RPAP2: variants seen among roughly 807,000 people sequenced by gnomAD.
RPAP2 encodes putative RNA polymerase II subunit B1 CTD phosphatase RPAP2.
In RPAP2, 52 loss-of-function variants were observed where a neutral mutation model predicts 73.1. That is an observed-to-expected ratio of 0.71 (90% CI 0.57 to 0.90). The LOEUF (loss-of-function observed/expected upper bound fraction) is 0.90, where lower values mean the gene tolerates loss of function less well. RPAP2 is among the 40% of genes least tolerant of loss of function. The probability of loss-of-function intolerance (pLI) is 0.00; values close to 1 mark genes in which losing one functional copy is unlikely to be tolerated. For synonymous variants in RPAP2, 225 were observed against 242.1 expected (o/e 0.93, Z 0.65); for missense variants, 598 against 701.8 (o/e 0.85, Z 1.67).
At chr1:92,324,991 GCTTCT>G (rs1652542991) in intron 8 of RPAP2, among the ~76,000 whole-genome samples, 1 of 152,102 alleles carries the variant, frequency 6.6e-6, no homozygotes, top group African/African-American at 2.4e-5. Flanking sequence ...ACTATTAATA[GCTTCT>G]CTTGCTCAAT....
intron 8 of RPAP2, among the ~76,000 whole-genome samples, chr1:92,331,133 TATTGGGTATAAATGTAAA>T (rs1652938195): frequency 6.6e-6 from 1 of 152,236 alleles, no homozygotes; most frequent in Non-Finnish European, 1.5e-5. Flanking sequence ...GAGACCATGT[TATTGGGTATAAATGTAAA>T]ATTGTTATGT....
chr1:92,303,162 C>T (rs1440038715), intron 3 of RPAP2, among the ~76,000 whole-genome samples: 1 of 152,182 alleles, frequency 6.6e-6, no homozygotes, highest in Non-Finnish European at 1.5e-5. Context: ...ATTACAAAAA[C>T]ACTTCTTAGT....
rs1473923737 is a variant in RPAP2, at chr1:92,393,651, C to T, written c.*6640C>T. ...ACAAGAAAAAAGCAAACAACCCCAT[C>T]AAAAAATGGGCAAAGGATATGAACA... On this transcript the variant is annotated 3_prime_UTR_variant, in exon 13 of 13. Coordinates refer to ENST00000610020, the MANE Select transcript of RPAP2 (RefSeq NM_024813.3). 1 of 152,052 alleles carries T rather than the reference C, an allele frequency of 6.6e-6. No homozygotes were observed. Among genetic ancestry groups the T allele is most frequent in the Non-Finnish European group, 1.5e-5 (1 of 68,014 alleles). The allele number at this position is 152,052 out of a possible 1,614,324, so 9.4% of individuals were successfully genotyped here. A position where few individuals can be genotyped will look rare whatever the true frequency, so the allele number is the denominator to read the frequency against.
chr1:92,331,899 T>C (rs1316133867), intron 8 of RPAP2, among the ~76,000 whole-genome samples: 1 of 152,198 alleles, frequency 6.6e-6, no homozygotes, highest in East Asian at 1.9e-4. Flanking sequence ...TTTTTCTATA[T>C]TGAATTTTAG....
At chr1:92,347,837 C>A (rs1350618742) in intron 11 of RPAP2, among the ~76,000 whole-genome samples, 1 of 152,032 alleles carries the variant, frequency 6.6e-6, no homozygotes, top group East Asian at 1.9e-4. Context: ...AAAAATTGTG[C>A]CTTAATTGAA....
Position 92,324,288 on chromosome 1 carries a change from T to A in RPAP2, c.1368T>A (p.Thr456=). ...LPSYENLKKE[T]EKLNLRIREF... is the part of the protein sequence containing the mutation. ...GTTACGAGAATTTGAAAAAAGAAAC[T>A]GAAAAGTTAAATCTGAGGATCAGGG... is the stretch of plus-strand genomic sequence containing the variant. The change falls in exon 8 of 13, where the codon ACT becomes ACA. Residue 456 remains threonine, a synonymous_variant. Coordinates refer to ENST00000610020, the MANE Select transcript of RPAP2 (RefSeq NM_024813.3). 6.2e-7 allele frequency: 1 copy of A among 1,613,934 alleles called. No individual in the cohort carries two copies. The highest frequency in any genetic ancestry group is 8.5e-7 in the Non-Finnish European group (1 of 1,179,958).
chr1:92,316,610 A>G lies in RPAP2; in HGVS notation c.489-3989A>G, dbSNP rs113090254. Among the ~76,000 whole-genome samples the G allele has an allele frequency of 6.9e-3, 1,053 of 152,362 alleles. 12 individuals are homozygous for G. The highest frequency in any genetic ancestry group is 0.024 in the African/African-American group (1,006 of 41,586). ...GTTTATAAAGAAACAGCTTACAAGC[A>G]TTCTTTAACTAGGATGGTTACATAT... On this transcript the variant is annotated intron_variant, in intron 6 of 12. Transcript: ENST00000610020.
rs534242379 is a variant in RPAP2 at position 92,391,740 on chromosome 1, G to A, written c.*4729G>A. On this transcript the variant is annotated 3_prime_UTR_variant, in exon 13 of 13. Transcript: ENST00000610020. ...CACAGAAATACAAACTACCATCAGC[G>A]AATACTATAAACACCTCTACACAAA... 11 of 152,256 alleles carry A rather than the reference G, an allele frequency of 7.2e-5. No individual in the cohort carries two copies. The South Asian group carries it at 8.3e-4, about 11-fold the overall frequency. The allele number at this position is 152,256 out of a possible 1,614,324, so 9.4% of individuals were successfully genotyped here.
rs557724041 is a variant in RPAP2 at position 92,398,982 on chromosome 1, C to T, written c.*11971C>T. ...TTTTCTACTCTCTAAATGTTCAGGC[C>T]TTTGCCTGTCCTTCCCTCAGCAAAA... On this transcript the variant is annotated 3_prime_UTR_variant, in exon 13 of 13. Transcript: ENST00000610020. The T allele has an allele frequency of 2.7e-4, 41 of 152,306 alleles. No individual in the cohort carries two copies. The highest frequency in any genetic ancestry group is 5.6e-4 in the Non-Finnish European group (38 of 68,042). The allele number at this position is 152,306 out of a possible 1,614,324, so 9.4% of individuals were successfully genotyped here.
chr1:92,315,910 T>C (rs1024633593), intron 6 of RPAP2, among the ~76,000 whole-genome samples: 1 of 152,188 alleles, frequency 6.6e-6, no homozygotes, highest in Non-Finnish European at 1.5e-5. Flanking sequence ...CGCACTGTGA[T>C]GCTTCTCATC....
At chr1:92,303,895 A>T (rs2101104335) in intron 3 of RPAP2, 82 bp from the exon 4 acceptor site, 2 of 866,304 alleles carry the variant, frequency 2.3e-6, no homozygotes, top group Non-Finnish European at 1.8e-6. Flanking sequence ...GTGTTTTCAG[A>T]TAAGATTGAT....
chr1:92,317,824 G>T (rs1652013268), intron 6 of RPAP2, among the ~76,000 whole-genome samples: 1 of 152,164 alleles, frequency 6.6e-6, no homozygotes. Context: ...TATAGCAGGA[G>T]ATGTTGCATA....
chr1:92,309,695 T>C (rs1007156914), intron 6 of RPAP2, among the ~76,000 whole-genome samples: 2 of 152,164 alleles, frequency 1.3e-5, no homozygotes, highest in Non-Finnish European at 2.9e-5. Context: ...TAAACAAGTT[T>C]GTGTTGACTT....
At chr1:92,343,298 T>C (rs1399703442) in intron 10 of RPAP2, among the ~76,000 whole-genome samples, 1 of 152,184 alleles carries the variant, frequency 6.6e-6, no homozygotes, top group Admixed American at 6.5e-5. Context: ...TGGCTGTCTC[T>C]TGTACAGTTA....
intron 10 of RPAP2, among the ~76,000 whole-genome samples, chr1:92,338,349 G>C (rs769013401): frequency 2.0e-5 from 3 of 152,218 alleles, no homozygotes; most frequent in African/African-American, 7.2e-5. Flanking sequence ...AAGAGGATTT[G>C]AGCAAAATAA....
intron 6 of RPAP2, among the ~76,000 whole-genome samples, chr1:92,308,533 A>G (rs1408126097): frequency 1.3e-5 from 2 of 152,208 alleles, no homozygotes; most frequent in Admixed American, 6.5e-5. Flanking sequence ...TATTTTCTCT[A>G]CATCTTAAAT....
intron 6 of RPAP2, among the ~76,000 whole-genome samples, chr1:92,309,770 A>C (rs1294781490): frequency 6.6e-6 from 1 of 152,220 alleles, no homozygotes; most frequent in African/African-American, 2.4e-5. Flanking sequence ...CTGTGAGCAA[A>C]AGTGAGAAAA....
chr1:92,357,310 G>C (rs1571119859), intron 11 of RPAP2, among the ~76,000 whole-genome samples: 1 of 152,204 alleles, frequency 6.6e-6, no homozygotes, highest in South Asian at 2.1e-4. Context: ...AAAGAAAAAG[G>C]CACAAAATAT....
At chr1:92,380,146 C>T (rs1158808798) in intron 11 of RPAP2, among the ~76,000 whole-genome samples, 1 of 151,328 alleles carries the variant, frequency 6.6e-6, no homozygotes, top group Non-Finnish European at 1.5e-5. Flanking sequence ...GGCGTGGTGG[C>T]AAGCACCTAT....
Sources: gnomAD v4.1 joint callset for allele counts (sites outside exome capture counted in the v4.1 genomes callset) on GRCh38, gnomAD v4.1.1 for gene constraint, MANE v1.5 for transcripts, NCBI Gene and HGNC (gene_info 2026-07-23, HGNC 2026-07-21) for gene names.